PTPN6: variants seen among roughly 807,000 people sequenced by gnomAD.
The protein encoded by PTPN6 is protein tyrosine phosphatase non-receptor type 6.
PTPN6 carries 18 observed loss-of-function variants against 81.5 expected under a neutral mutation model. The ratio of observed to expected loss-of-function variants is 0.22; its 90% confidence interval spans 0.15 to 0.33. PTPN6 has a LOEUF of 0.33. Among genes scored for constraint, PTPN6 ranks in the 10% least tolerant of loss-of-function variants. PTPN6 has a pLI of 1.00. For synonymous variants in PTPN6, 301 were observed against 310.9 expected (o/e 0.97, Z 0.33); for missense variants, 500 against 794.2 (o/e 0.63, Z 4.45).
In PTPN6 at chr12:6,959,327, G is replaced by A. The variant is rs16933008; in HGVS notation, c.1362-600G>A. 349 of 157,894 alleles carry A rather than the reference G, an allele frequency of 2.2e-3. 1 individual carries two copies. The highest frequency in any genetic ancestry group is 7.5e-3 in the African/African-American group (313 of 41,628). The allele number at this position is 157,894 out of a possible 1,614,324, so 9.8% of individuals were successfully genotyped here. On this transcript the variant is annotated intron_variant, in intron 11 of 15. Transcript: ENST00000318974. The surrounding 1 kb of genome is among the most constrained non-coding windows in gnomAD (Gnocchi z 6.6). ...ATCTGGGTTTGAAATTAGACAGCGC[G>A]ACTCAGGGCATCAGCTTGCTGGGCT... is the stretch of plus-strand genomic sequence containing the variant.
rs369018373 is a variant in PTPN6 at position 6,956,590 on chromosome 12, G to A, written c.1074+22G>A. 35 of 1,612,490 alleles carry A rather than the reference G, an allele frequency of 2.2e-5. No homozygotes were observed. In the African/African-American group the frequency reaches 2.3e-4, roughly 10 times the overall value. ...CCGGGTAGGGCGCCCCCCCTTCCCC[G>A]CATCCGCCCCCGTGCTTGTGGTCAT... On this transcript the variant is annotated intron_variant, in intron 9 of 15. Transcript: ENST00000318974. The surrounding 1 kb of genome is among the most constrained non-coding windows in gnomAD (Gnocchi z 4.1).
At position 6,960,458 on chromosome 12, in the gene PTPN6, G is replaced by C; in HGVS notation, c.1673+23G>C. 1 of 1,602,118 alleles carries C rather than the reference G, an allele frequency of 6.2e-7. No homozygotes were observed. Among genetic ancestry groups the C allele is most frequent in the Non-Finnish European group, 8.5e-7 (1 of 1,170,258 alleles). On this transcript the variant is annotated intron_variant, in intron 14 of 15. Coordinates refer to ENST00000318974, the MANE Select transcript of PTPN6 (RefSeq NM_002831.6). This position sits in a 1 kb window ranked among gnomAD's most constrained non-coding sequence, Gnocchi z 6.1. Reference sequence around the variant, plus strand: ...CAAGTGAGTGGCCCTGACTGCCACTGCCCGGCATCCACCCCTTTGTCCTGC... The same window carrying C: ...CAAGTGAGTGGCCCTGACTGCCACTCCCCGGCATCCACCCCTTTGTCCTGC...
chr12:6,946,922 T>TC (rs1945831453), upstream of PTPN6, among the ~76,000 whole-genome samples: 1 of 152,200 alleles, frequency 6.6e-6, no homozygotes, highest in African/African-American at 2.4e-5. Context: ...TCACTCATGC[T>TC]CCTCTGCCCC....
rs1945953290 is a variant in PTPN6 at position 6,952,908 on chromosome 12, A to G, written c.326+731A>G. On this transcript the variant is annotated intron_variant, in intron 3 of 15. Transcript: ENST00000318974. The surrounding 1 kb of genome is among the most constrained non-coding windows in gnomAD (Gnocchi z 8.1). The stretch of plus-strand genomic sequence containing the variant: ...TGGCTCCTTTCAGCAGCCGCATCTC[A>G]ATGCCAGATCCCCTTAGAGTAAAGG... The G allele has an allele frequency of 6.5e-6, 1 of 152,726 alleles. No homozygotes were observed. Among genetic ancestry groups the G allele is most frequent in the Non-Finnish European group, 1.5e-5 (1 of 68,480 alleles). 9.5% of individuals were successfully genotyped at this position (152,726 alleles called of 1,614,324 possible). A position where few individuals can be genotyped will look rare whatever the true frequency, so the allele number is the denominator to read the frequency against.
rs1232607181 is a variant in PTPN6, at chr12:6,955,148, C to T, written c.517-3C>T. On this transcript the variant is annotated splice_polypyrimidine_tract_variant and splice_region_variant and intron_variant, in intron 4 of 15. Coordinates refer to ENST00000318974, the MANE Select transcript of PTPN6 (RefSeq NM_002831.6). This position sits in a 1 kb window ranked among gnomAD's most constrained non-coding sequence, Gnocchi z 7.2. ...GTGAATGGCCTAATTTGGCTCCCCCCAGGGTGGACGCTACACAGTGGGTGG... is the reference window on the plus strand; with the variant it reads ...GTGAATGGCCTAATTTGGCTCCCCCTAGGGTGGACGCTACACAGTGGGTGG... 1.2e-6 allele frequency: 2 copies of T among 1,614,154 alleles called. No individual in the cohort carries two copies. The highest frequency in any genetic ancestry group is 1.7e-6 in the Non-Finnish European group (2 of 1,179,986).
In PTPN6 at chr12:6,955,646, C is replaced by T; in HGVS notation, c.748-14C>T. 2 of 1,612,850 alleles carry T rather than the reference C, an allele frequency of 1.2e-6. No individual in the cohort carries two copies. The highest frequency in any genetic ancestry group is 1.1e-5 in the South Asian group (1 of 91,044). ...CTTTGGGAGCTGATGCTCATTTCCC[C>T]ACCCACATCTCAGAGTTTGCAGAAG... On this transcript the variant is annotated splice_polypyrimidine_tract_variant and intron_variant, in intron 6 of 15. Transcript: ENST00000318974. The surrounding 1 kb of genome is among the most constrained non-coding windows in gnomAD (Gnocchi z 7.2).
At chr12:6,949,625 G>T (rs782810152), upstream of PTPN6, among the ~76,000 whole-genome samples, 39 of 152,168 alleles carry the variant, frequency 2.6e-4, 1 homozygote, top group South Asian at 7.9e-3. Context: ...GTAAAAGCTG[G>T]CAGCACTGAA....
At chr12:6,950,758 A>G (rs1448713826), upstream of PTPN6, among the ~76,000 whole-genome samples, 7 of 152,192 alleles carry the variant, frequency 4.6e-5, no homozygotes, top group Non-Finnish European at 1.0e-4. Context: ...GGGCTGGTGT[A>G]TAGGAGTTCA....
At chr12:6,948,377 A>C (rs1945862245), upstream of PTPN6, among the ~76,000 whole-genome samples, 4 of 148,056 alleles carry the variant, frequency 2.7e-5, no homozygotes, top group African/African-American at 9.9e-5. Context: ...TCGACGCTGC[A>C]GTGAGTTGGA....
Position 6,961,127 on chromosome 12 carries a change from C to A in PTPN6, c.*27C>A, listed in dbSNP as rs1301804624. On this transcript the variant is annotated splice_region_variant and 3_prime_UTR_variant, in exon 16 of 16. Coordinates refer to ENST00000318974, the MANE Select transcript of PTPN6 (RefSeq NM_002831.6). ...TCCCTCACTCCCTTCTCTTGGCAGC[C>A]TCAGCCCTGACCCTGTGGAAGCATT... The A allele has an allele frequency of 5.5e-5, 54 of 986,484 alleles. No homozygotes were observed. In the East Asian group the frequency reaches 1.4e-3, roughly 26 times the overall value. The allele number at this position is 986,484 out of a possible 1,614,324, so 61.1% of individuals were successfully genotyped here.
chr12:6,959,594 G>A lies in PTPN6; in HGVS notation c.1362-333G>A, dbSNP rs1032182065. The A allele has an allele frequency of 3.4e-4, 172 of 508,408 alleles. 1 individual carries two copies. The Admixed American group carries it at 5.6e-3, about 17-fold the overall frequency. The allele number at this position is 508,408 out of a possible 1,614,324, so 31.5% of individuals were successfully genotyped here. A position where few individuals can be genotyped will look rare whatever the true frequency, so the allele number is the denominator to read the frequency against. On this transcript the variant is annotated intron_variant, in intron 11 of 15. Transcript: ENST00000318974. This position sits in a 1 kb window ranked among gnomAD's most constrained non-coding sequence, Gnocchi z 6.6. ...GGAGGGCTCAGGGTACCTGGGAGCC[G>A]GCAGGACAGTGGTGGGATTTGGGGG... is the stretch of plus-strand genomic sequence containing the variant.
Position 6,952,255 on chromosome 12 carries a change from A to G in PTPN6, c.326+78A>G. 6.4e-7 allele frequency: 1 copy of G among 1,556,612 alleles called. No individual in the cohort carries two copies. The highest frequency in any genetic ancestry group is 8.8e-7 in the Non-Finnish European group (1 of 1,133,096). ...CCTGAACAGCCAGGGAGGCAGGGAG[A>G]CTGGCAGCCGGCGCTGCCTACCCTC... is the stretch of plus-strand genomic sequence containing the variant. On this transcript the variant is annotated intron_variant, in intron 3 of 15. Coordinates refer to ENST00000318974, the MANE Select transcript of PTPN6 (RefSeq NM_002831.6). This position sits in a 1 kb window ranked among gnomAD's most constrained non-coding sequence, Gnocchi z 8.1.
Position 6,954,674 on chromosome 12 carries a change from A to C in PTPN6, c.327-131A>C. On this transcript the variant is annotated intron_variant, in intron 3 of 15. Coordinates refer to ENST00000318974, the MANE Select transcript of PTPN6 (RefSeq NM_002831.6). The surrounding 1 kb of genome is among the most constrained non-coding windows in gnomAD (Gnocchi z 5.4). Reference sequence around the variant, plus strand: ...GTGAGAGACCTAAATGAGGTGGTGGATTTGGAAGCATGTAGCGCAGTGCCT... The same window carrying C: ...GTGAGAGACCTAAATGAGGTGGTGGCTTTGGAAGCATGTAGCGCAGTGCCT... The C allele has an allele frequency of 1.2e-6, 1 of 859,694 alleles. No individual in the cohort carries two copies. The highest frequency in any genetic ancestry group is 1.8e-6 in the Non-Finnish European group (1 of 547,058). 53.3% of individuals were successfully genotyped at this position (859,694 alleles called of 1,614,324 possible).
Position 6,952,037 on chromosome 12 carries a change from C to T in PTPN6, c.186C>T (p.Asp62=). The part of the protein sequence containing the change: ...IRIQNSGDFY[D]LYGGEKFATL... ...TCCAGAACTCAGGGGATTTCTATGACCTGTATGGAGGGGAGAAGTTTGCGA... is the reference window on the plus strand; with the variant it reads ...TCCAGAACTCAGGGGATTTCTATGATCTGTATGGAGGGGAGAAGTTTGCGA... Residue 62 remains aspartate, a synonymous_variant, in exon 3 of 16, where the codon GAC becomes GAT. Coordinates refer to ENST00000318974, the MANE Select transcript of PTPN6 (RefSeq NM_002831.6). The surrounding 1 kb of genome is among the most constrained non-coding windows in gnomAD (Gnocchi z 8.1). The T allele has an allele frequency of 6.2e-7, 1 of 1,614,154 alleles. No homozygotes were observed. The highest frequency in any genetic ancestry group is 1.1e-5 in the South Asian group (1 of 91,074).
rs1555149384 is a variant in PTPN6, at chr12:6,959,882, G to C, written c.1362-45G>C. 2.5e-6 allele frequency: 4 copies of C among 1,605,664 alleles called. No individual in the cohort carries two copies. The highest frequency in any genetic ancestry group is 2.2e-5 in the East Asian group (1 of 44,860). On this transcript the variant is annotated intron_variant, in intron 11 of 15. Transcript: ENST00000318974. The surrounding 1 kb of genome is among the most constrained non-coding windows in gnomAD (Gnocchi z 6.6). ...TGAGCGCTGGGTACCCCCCTTCCCGGGGAGGGCTTGACTGGCCTCTGATGG... is the reference window on the plus strand; with the variant it reads ...TGAGCGCTGGGTACCCCCCTTCCCGCGGAGGGCTTGACTGGCCTCTGATGG...
Position 6,959,932 on chromosome 12 carries a change from G to A in PTPN6, c.1367G>A (p.Gly456Asp), listed in dbSNP as rs1555149392. 6.2e-7 allele frequency: 1 copy of A among 1,610,748 alleles called. No homozygotes were observed. The highest frequency in any genetic ancestry group is 8.5e-7 in the Non-Finnish European group (1 of 1,179,760). ...AGPIIVHCSAGIGRTGTIIVI... is the reference protein window; with the variant it reads ...AGPIIVHCSADIGRTGTIIVI... ...GCACCCCCGTCTTTCCCCAGCGCCG[G>A]CATCGGCCGCACAGGCACCATCATT... is the stretch of plus-strand genomic sequence containing the variant. The change falls in exon 12 of 16, where the codon GGC becomes GAC. Residue 456 changes from glycine to aspartate, a missense_variant. Physicochemically the swap from Gly to Asp is moderately conservative, Grantham distance 94. Transcript: ENST00000318974. The surrounding 1 kb of genome is among the most constrained non-coding windows in gnomAD (Gnocchi z 6.6).
At position 6,955,132 on chromosome 12, in the gene PTPN6, C is replaced by T; in HGVS notation, c.517-19C>T. ...GGGAGACTCAAGTCCTGTGAATGGC[C>T]TAATTTGGCTCCCCCCAGGGTGGAC... On this transcript the variant is annotated intron_variant, in intron 4 of 15. Coordinates refer to ENST00000318974, the MANE Select transcript of PTPN6 (RefSeq NM_002831.6). This position sits in a 1 kb window ranked among gnomAD's most constrained non-coding sequence, Gnocchi z 7.2. The T allele has an allele frequency of 6.2e-7, 1 of 1,613,468 alleles. No individual in the cohort carries two copies. Among genetic ancestry groups the T allele is most frequent in the Non-Finnish European group, 8.5e-7 (1 of 1,179,372 alleles).
chr12:6,960,261 G>GCA lies in PTPN6; in HGVS notation c.1581+22_1581+23insCA. On this transcript the variant is annotated intron_variant, in intron 13 of 15. Coordinates refer to ENST00000318974, the MANE Select transcript of PTPN6 (RefSeq NM_002831.6). This position sits in a 1 kb window ranked among gnomAD's most constrained non-coding sequence, Gnocchi z 6.1. ...GCAGGTGCGTGCAGAGCAGGGCCTGGGGGGGGGGGGGGCTGCAGTGCAGGA... is the reference window on the plus strand; with the variant it reads ...GCAGGTGCGTGCAGAGCAGGGCCTGGCAGGGGGGGGGGGGCTGCAGTGCAGGA... The GCA allele has an allele frequency of 7.6e-7, 1 of 1,317,212 alleles. No individual in the cohort carries two copies. The highest frequency in any genetic ancestry group is 1.3e-5 in the South Asian group (1 of 78,778). 81.6% of individuals were successfully genotyped at this position (1,317,212 alleles called of 1,614,324 possible).
upstream of PTPN6, chr12:6,946,868 T>TC (rs1945829319): frequency 2.8e-6 from 3 of 1,061,654 alleles, no homozygotes. Context: ...CTGTTTCCGG[T>TC]CCCTATGAAC....
Sources: allele counts gnomAD v4.1 joint callset (sites outside exome capture counted in the v4.1 genomes callset), GRCh38; gene constraint gnomAD v4.1.1; non-coding constraint Gnocchi (gnomAD v3.1); transcripts MANE v1.5; gene names NCBI Gene and HGNC (gene_info 2026-07-23, HGNC 2026-07-21).